ZFHX3: variants seen among roughly 807,000 people sequenced by gnomAD.
The protein encoded by ZFHX3 is zinc finger homeobox 3, also known as zinc finger homeobox protein 3.
ZFHX3 carries 42 observed loss-of-function variants against 279.1 expected under a neutral mutation model. That is an observed-to-expected ratio of 0.15 (90% CI 0.12 to 0.19). The LOEUF (loss-of-function observed/expected upper bound fraction) is 0.19. ZFHX3 is among the 10% of genes least tolerant of loss of function. The pLI is 1.00. For synonymous variants in ZFHX3, 2,293 were observed against 1,957.8 expected, an observed-to-expected ratio of 1.17 and a Z score of -4.52; for missense variants, 4,981 against 4,754.0, an observed-to-expected ratio of 1.05 and a Z score of -1.40.
intron 1 of ZFHX3, among the ~76,000 whole-genome samples, chr16:73,699,866 G>T (rs573065476): frequency 6.6e-6 from 1 of 152,134 alleles, no homozygotes; most frequent in Non-Finnish European, 1.5e-5. Context: ...CACAGGATGA[G>T]AAATTTGGGG....
intron 7 of ZFHX3, among the ~76,000 whole-genome samples, chr16:73,119,254 C>G (rs113694356): frequency 1.3e-5 from 2 of 152,018 alleles, no homozygotes; most frequent in Non-Finnish European, 2.9e-5. Context: ...TAGGTGCATG[C>G]CACTATGCCC....
intron 2 of ZFHX3, among the ~76,000 whole-genome samples, chr16:73,457,544 G>T (rs991574363): frequency 2.0e-5 from 3 of 152,172 alleles, no homozygotes; most frequent in Non-Finnish European, 4.4e-5. Flanking sequence ...AGGCCGACGT[G>T]GGTGGATCAC....
At chr16:73,199,462 C>T (rs571157939) in intron 5 of ZFHX3, among the ~76,000 whole-genome samples, 1 of 152,322 alleles carries the variant, frequency 6.6e-6, no homozygotes, top group South Asian at 2.1e-4. Flanking sequence ...AGGAATGCAT[C>T]AGAACATCTT....
At chr16:73,175,098 G>A (rs1383760627) in intron 5 of ZFHX3, among the ~76,000 whole-genome samples, 1 of 151,876 alleles carries the variant, frequency 6.6e-6, no homozygotes, top group African/African-American at 2.4e-5. Flanking sequence ...AACCCCACTT[G>A]GCCTGGTGTG....
chr16:72,794,557 C>T lies in ZFHX3; in HGVS notation c.8125G>A (p.Ala2709Thr), dbSNP rs774106089. Reference protein sequence around the residue: ...GQFRAVGPAQAHRRCPFCRAL... With the variant: ...GQFRAVGPAQTHRRCPFCRAL... ...CTGCAAAAAGGGCATCTCCTGTGGG[C>T]CTGCGCTGGGCCTACAGCCCGGAAC... Residue 2709 changes from alanine to threonine, a missense_variant, in exon 9 of 10, where the codon GCC becomes ACC. Transcript: ENST00000268489. This position sits in a 1 kb window ranked among gnomAD's most constrained non-coding sequence, Gnocchi z 4.2. 6.8e-6 allele frequency: 11 copies of T among 1,614,090 alleles called. No individual in the cohort carries two copies. The highest frequency in any genetic ancestry group is 7.6e-6 in the Non-Finnish European group (9 of 1,180,044).
At chr16:73,635,557 GTTA>G (rs2052520221) in intron 2 of ZFHX3, among the ~76,000 whole-genome samples, 1 of 152,154 alleles carries the variant, frequency 6.6e-6, no homozygotes, top group Non-Finnish European at 1.5e-5. Flanking sequence ...TTCCTCTACT[GTTA>G]TCCCAGAAAA....
chr16:73,381,956 T>C (rs902237223), intron 3 of ZFHX3, among the ~76,000 whole-genome samples: 2 of 152,212 alleles, frequency 1.3e-5, no homozygotes, highest in African/African-American at 4.8e-5. Flanking sequence ...TACACAACTC[T>C]GCCATTATGG....
intron 2 of ZFHX3, among the ~76,000 whole-genome samples, chr16:73,651,002 A>C (rs756651618): frequency 6.6e-6 from 1 of 152,234 alleles, no homozygotes; most frequent in Non-Finnish European, 1.5e-5. Flanking sequence ...TACGATTATC[A>C]AGGTGTAATA....
intron 3 of ZFHX3, among the ~76,000 whole-genome samples, chr16:73,340,360 T>C (rs1187111371): frequency 6.6e-6 from 1 of 152,184 alleles, no homozygotes; most frequent in Admixed American, 6.5e-5. Context: ...TGATCTTATT[T>C]ATTTATTTAC....
At chr16:73,068,971 A>G (rs1597146374) in intron 8 of ZFHX3, among the ~76,000 whole-genome samples, 1 of 152,202 alleles carries the variant, frequency 6.6e-6, no homozygotes, top group Non-Finnish European at 1.5e-5. Context: ...GGTACTGACC[A>G]CCCCTTTGGG....
chr16:73,139,210 A>T (rs1966839918), intron 6 of ZFHX3, among the ~76,000 whole-genome samples: 2 of 152,244 alleles, frequency 1.3e-5, no homozygotes, highest in Non-Finnish European at 2.9e-5. Flanking sequence ...CCAACACTGG[A>T]ATGCAATGCA....
chr16:72,925,843 G>C (rs1482083455), intron 3 of ZFHX3, among the ~76,000 whole-genome samples: 1 of 152,192 alleles, frequency 6.6e-6, no homozygotes, highest in Non-Finnish European at 1.5e-5. Flanking sequence ...ACGTCCTCTT[G>C]AAGACAGGAG....
At chr16:73,679,515 T>A (rs2052988904) in intron 2 of ZFHX3, 2 of 152,160 alleles carry the variant, frequency 1.3e-5, no homozygotes, top group African/African-American at 4.8e-5. Flanking sequence ...TCTCTTTTTT[T>A]TACCTTCTTT....
intron 5 of ZFHX3, among the ~76,000 whole-genome samples, chr16:73,166,719 A>T (rs1967381480): frequency 6.6e-6 from 1 of 152,222 alleles, no homozygotes; most frequent in Non-Finnish European, 1.5e-5. Flanking sequence ...AGCTGTTTTT[A>T]GGAAGGCAGG....
At chr16:72,931,271 G>A (rs956344538) in intron 3 of ZFHX3, among the ~76,000 whole-genome samples, 7 of 152,074 alleles carry the variant, frequency 4.6e-5, no homozygotes, top group African/African-American at 7.2e-5. Context: ...CACATACTTC[G>A]CACATCGTTT....
At chr16:73,288,914 ACTG>A (rs1426763565) in intron 4 of ZFHX3, among the ~76,000 whole-genome samples, 1 of 150,446 alleles carries the variant, frequency 6.6e-6, no homozygotes, top group Admixed American at 6.6e-5. Flanking sequence ...CTTCAGCAAG[ACTG>A]CTATTATCTT....
chr16:73,885,196 G>A (rs2030305679), intron 1 of ZFHX3, among the ~76,000 whole-genome samples: 1 of 151,942 alleles, frequency 6.6e-6, no homozygotes. Context: ...ACAAAGATGG[G>A]AAAAAAACCT....
chr16:73,138,452 A>G lies in ZFHX3; in HGVS notation c.-1024+5300T>C, dbSNP rs375094124. On this transcript the variant is annotated intron_variant, in intron 6 of 17. Coordinates refer to the ZFHX3 transcript ENST00000641206. Reference sequence around the variant, plus strand: ...TCCGCTGCAGAGAGAGCTGTGAGATATGCCAGGGCTCTGAAGACCAGGGCA... The same window carrying G: ...TCCGCTGCAGAGAGAGCTGTGAGATGTGCCAGGGCTCTGAAGACCAGGGCA... Among the ~76,000 whole-genome samples, 21 of 152,310 alleles carry G rather than the reference A, an allele frequency of 1.4e-4. 1 individual carries two copies. Among genetic ancestry groups the G allele is most frequent in the African/African-American group, 3.6e-4 (15 of 41,574 alleles).
intron 1 of ZFHX3, among the ~76,000 whole-genome samples, chr16:73,824,515 A>C (rs1470756598): frequency 8.7e-6 from 1 of 114,472 alleles, no homozygotes; most frequent in Non-Finnish European, 1.8e-5. Context: ...CGTGTCATCT[A>C]GCATTAGGTA....
Sources: gnomAD v4.1 joint callset for allele counts (sites outside exome capture counted in the v4.1 genomes callset) on GRCh38, gnomAD v4.1.1 for gene constraint, Gnocchi (gnomAD v3.1) non-coding constraint, MANE v1.5 for transcripts, NCBI Gene and HGNC (gene_info 2026-07-23, HGNC 2026-07-21) for gene names.